ZNF567: variants seen among roughly 807,000 people sequenced by gnomAD.
ZNF567 encodes zinc finger protein 567.
A neutral mutation model predicts 53.9 loss-of-function variants in ZNF567; 36 were observed. The observed-to-expected ratio is 0.67, with a 90% CI of 0.51 to 0.88. ZNF567 has a LOEUF of 0.88. Ranked by LOEUF, ZNF567 falls within the 40% of genes least tolerant of loss-of-function variation. The pLI, the probability that ZNF567 is intolerant of heterozygous loss-of-function variation, is 0.00. For missense variants in ZNF567, 619 were observed against 764.7 expected, an observed-to-expected ratio of 0.81 and a Z score of 2.25; for synonymous variants, 224 against 260.4, an observed-to-expected ratio of 0.86 and a Z score of 1.35.
the ZNF567 span, among the ~76,000 whole-genome samples, chr19:36,679,011 G>C: frequency 6.6e-6 from 1 of 152,108 alleles, no homozygotes; most frequent in Admixed American, 6.5e-5. Flanking sequence ...GAGGGGCCGA[G>C]CGCGGTGGCT....
chr19:36,678,351 C>T, the ZNF567 span, among the ~76,000 whole-genome samples: 1 of 152,042 alleles, frequency 6.6e-6, no homozygotes, highest in Non-Finnish European at 1.5e-5. Flanking sequence ...AAGGATTAGC[C>T]TTATAGAGTT....
the ZNF567 span, among the ~76,000 whole-genome samples, chr19:36,675,351 G>A: frequency 7.2e-5 from 11 of 151,886 alleles, no homozygotes; most frequent in African/African-American, 2.7e-4. Flanking sequence ...GACCACTCTG[G>A]GAAACAGAAT....
intron 3 of ZNF567, among the ~76,000 whole-genome samples, chr19:36,696,881 G>A (rs996461754): frequency 1.6e-4 from 25 of 152,116 alleles, no homozygotes; most frequent in African/African-American, 7.2e-5. Flanking sequence ...CATTAAGTAC[G>A]TTCACAAGTT....
intron 3 of ZNF567, among the ~76,000 whole-genome samples, chr19:36,696,836 C>T (rs1280096285): frequency 1.3e-5 from 2 of 152,200 alleles, no homozygotes; most frequent in Non-Finnish European, 2.9e-5. Context: ...AGAGAGCTTA[C>T]CGTTTTAACC....
chr19:36,693,882 A>T lies in ZNF567; in HGVS notation c.-66-920A>T, dbSNP rs1473106948. Among the ~76,000 whole-genome samples, 6 of 152,350 alleles carry T rather than the reference A, an allele frequency of 3.9e-5. No individual in the cohort carries two copies. The East Asian group carries it at 1.2e-3, about 29-fold the overall frequency. ...AAATTGTATTTTTACATAGAAAAAA[A>T]ACAGTCAAATGAGAAACTATAAAAA... On this transcript the variant is annotated intron_variant, in intron 2 of 5. Transcript: ENST00000682579.
the ZNF567 span, among the ~76,000 whole-genome samples, chr19:36,667,920 T>G: frequency 6.6e-6 from 1 of 151,704 alleles, no homozygotes; most frequent in Non-Finnish European, 1.5e-5. Context: ...AAGTGCTGGA[T>G]TACAGGCGTG....
chr19:36,724,865 A>G (rs928983640), downstream of ZNF567, among the ~76,000 whole-genome samples: 3 of 151,926 alleles, frequency 2.0e-5, no homozygotes, highest in Non-Finnish European at 4.4e-5. Context: ...TAAAAAAAAA[A>G]AAAAGTTCAC....
At chr19:36,726,982 T>TTTTCTTTCTTTCTTTCTTTGTTTCTTTC (rs2040337260), downstream of ZNF567, 1 of 55,390 alleles carries the variant, frequency 1.8e-5, no homozygotes, top group East Asian at 1.1e-3. Flanking sequence ...CTTTCTTTCT[T>TTTTCTTTCTTTCTTTCTTTGTTTCTTTC]TTTCTTTCTT....
At chr19:36,671,198 G>A in the ZNF567 span, among the ~76,000 whole-genome samples, 1 of 152,162 alleles carries the variant, frequency 6.6e-6, no homozygotes, top group African/African-American at 2.4e-5. Context: ...GAAGTAGCAA[G>A]TACTCTAGAT....
At chr19:36,682,666 G>A (rs975202767), upstream of ZNF567, among the ~76,000 whole-genome samples, 1 of 149,836 alleles carries the variant, frequency 6.7e-6, no homozygotes. Flanking sequence ...GGGGAGCAGC[G>A]GCACCATCTT....
At chr19:36,693,150 T>G (rs930472362) in intron 2 of ZNF567, among the ~76,000 whole-genome samples, 2 of 151,404 alleles carry the variant, frequency 1.3e-5, no homozygotes, top group Admixed American at 1.3e-4. Flanking sequence ...TAGCCGGTCT[T>G]GATGGCATGC....
chr19:36,676,380 T>C, the ZNF567 span, among the ~76,000 whole-genome samples: 1 of 151,964 alleles, frequency 6.6e-6, no homozygotes, highest in African/African-American at 2.4e-5. Context: ...TTTTTTTTTT[T>C]TTAACTGATC....
At chr19:36,706,026 A>C (rs2039469689) in intron 3 of ZNF567, among the ~76,000 whole-genome samples, 1 of 152,168 alleles carries the variant, frequency 6.6e-6, no homozygotes, top group African/African-American at 2.4e-5. Flanking sequence ...GAACAAAAAT[A>C]AATTTTCTCA....
At chr19:36,708,996 C>T (rs2039638824) in intron 3 of ZNF567, among the ~76,000 whole-genome samples, 1 of 152,168 alleles carries the variant, frequency 6.6e-6, no homozygotes, top group South Asian at 2.1e-4. Context: ...AAAAATATAT[C>T]AATCTTGCCA....
chr19:36,716,794 G>C (rs932080299), intron 5 of ZNF567, among the ~76,000 whole-genome samples: 2 of 152,128 alleles, frequency 1.3e-5, no homozygotes, highest in Admixed American at 6.5e-5. Context: ...CATTCTGCCA[G>C]ACACCACCTA....
At chr19:36,671,960 C>T in the ZNF567 span, among the ~76,000 whole-genome samples, 14 of 152,258 alleles carry the variant, frequency 9.2e-5, no homozygotes, top group Admixed American at 2.6e-4. Flanking sequence ...ATCGTCCCCC[C>T]TCTTGCTACA....
At chr19:36,671,185 CAAG>C in the ZNF567 span, among the ~76,000 whole-genome samples, 2 of 152,144 alleles carry the variant, frequency 1.3e-5, no homozygotes, top group African/African-American at 4.8e-5. Context: ...ACCTAGTGAA[CAAG>C]AAGTAGCAAG....
intron 2 of ZNF567, among the ~76,000 whole-genome samples, chr19:36,692,649 T>G (rs2038678377): frequency 6.6e-6 from 1 of 152,192 alleles, no homozygotes; most frequent in African/African-American, 2.4e-5. Context: ...GTGATGGGAT[T>G]ACAGGCATGA....
At chr19:36,723,106 A>T (rs189108944), downstream of ZNF567, 1,844 of 697,892 alleles carry the variant, frequency 2.6e-3, 8 homozygotes, top group Non-Finnish European at 4.3e-3. Flanking sequence ...TAGGGGAGTT[A>T]TATACTAGTA....
Sources: allele counts gnomAD v4.1 joint callset (sites outside exome capture counted in the v4.1 genomes callset), GRCh38; gene constraint gnomAD v4.1.1; transcripts MANE v1.5; gene names NCBI Gene and HGNC (gene_info 2026-07-23, HGNC 2026-07-21).